The following PHF21A variants were observed in gnomAD, a reference collection of about 807,000 sequenced individuals.
PHF21A encodes the protein BHC80a.
A neutral mutation model predicts 82.5 loss-of-function variants in PHF21A; 11 were observed. The observed-to-expected ratio is 0.13, with a 90% CI of 0.08 to 0.22. The LOEUF (loss-of-function observed/expected upper bound fraction) is 0.22, where lower values mean the gene tolerates loss of function less well. Ranked by LOEUF, PHF21A falls within the 10% of genes least tolerant of loss-of-function variation. The pLI, the probability that PHF21A is intolerant of heterozygous loss-of-function variation, is 1.00. For synonymous variants in PHF21A, 297 were observed against 302.8 expected (o/e 0.98, Z 0.20); for missense variants, 579 against 837.8 (o/e 0.69, Z 3.81).
At chr11:45,946,978 T>A (rs2091392704) in intron 14 of PHF21A, among the ~76,000 whole-genome samples, 1 of 152,216 alleles carries the variant, frequency 6.6e-6, no homozygotes, top group Non-Finnish European at 1.5e-5. Context: ...AGTATTTCTG[T>A]CCCTGGATAC....
At chr11:45,970,347 T>TG (rs2093675465) in intron 8 of PHF21A, 1 of 170,868 alleles carries the variant, frequency 5.9e-6, no homozygotes, top group African/African-American at 2.4e-5. Flanking sequence ...GTGACCTCGT[T>TG]GCTTCTCTAA....
chr11:46,081,740 CA>C (rs1406833529), intron 4 of PHF21A, among the ~76,000 whole-genome samples: 2 of 152,190 alleles, frequency 1.3e-5, no homozygotes, highest in African/African-American at 4.8e-5. Context: ...CAAAGGTAAG[CA>C]AAACAACCCA....
At chr11:46,043,314 T>C (rs1451310782) in intron 6 of PHF21A, among the ~76,000 whole-genome samples, 1 of 152,172 alleles carries the variant, frequency 6.6e-6, no homozygotes, top group Non-Finnish European at 1.5e-5. Flanking sequence ...ATTTATGCAA[T>C]TGTGGAATTT....
chr11:46,000,667 C>T (rs559745697), intron 6 of PHF21A, among the ~76,000 whole-genome samples: 7 of 152,252 alleles, frequency 4.6e-5, no homozygotes, highest in African/African-American at 1.4e-4. Flanking sequence ...CGTCTGTAAT[C>T]CCAGTACTTT....
At chr11:46,085,212 G>A (rs1161654894) in intron 3 of PHF21A, among the ~76,000 whole-genome samples, 3 of 152,154 alleles carry the variant, frequency 2.0e-5, no homozygotes, top group African/African-American at 7.2e-5. Context: ...AACTTATGAT[G>A]TGGATATTTT....
chr11:46,110,902 C>T (rs2136003812), intron 1 of PHF21A, among the ~76,000 whole-genome samples: 1 of 151,784 alleles, frequency 6.6e-6, no homozygotes, highest in Non-Finnish European at 1.5e-5. Flanking sequence ...TCTCCTGCCT[C>T]AGCCTCCCGA....
At chr11:46,114,527 G>A (rs2097263970) in intron 1 of PHF21A, among the ~76,000 whole-genome samples, 1 of 152,180 alleles carries the variant, frequency 6.6e-6, no homozygotes, top group Non-Finnish European at 1.5e-5. Flanking sequence ...CACCATAAAA[G>A]TGACGGGCTA....
intron 16 of PHF21A, chr11:45,936,946 C>T: frequency 5.5e-6 from 1 of 181,914 alleles, no homozygotes; most frequent in Non-Finnish European, 1.2e-5. Context: ...CTTGACCTGA[C>T]ATGGGCTGCC....
Position 45,946,009 on chromosome 11 carries a change from T to C in PHF21A, c.1289-6A>G. The C allele has an allele frequency of 1.2e-6, 2 of 1,613,586 alleles. No homozygotes were observed. Among genetic ancestry groups the C allele is most frequent in the Non-Finnish European group, 1.7e-6 (2 of 1,179,896 alleles). On this transcript the variant is annotated splice_region_variant and splice_polypyrimidine_tract_variant and intron_variant, in intron 14 of 18. Coordinates refer to ENST00000676320, the MANE Select transcript of PHF21A (RefSeq NM_001352027.3). The stretch of plus-strand genomic sequence containing the variant: ...ATTGTATTTTGGAGGACGACCTATA[T>C]ACCAAGAGAAGGGAACAAAAGGGAA...
At chr11:46,085,466 G>C (rs1016701928) in intron 3 of PHF21A, among the ~76,000 whole-genome samples, 3 of 152,006 alleles carry the variant, frequency 2.0e-5, no homozygotes, top group Admixed American at 2.0e-4. Flanking sequence ...CTTTATTGTT[G>C]TTTTCTTTTC....
At chr11:46,070,327 G>C (rs2096641452) in intron 6 of PHF21A, among the ~76,000 whole-genome samples, 1 of 151,974 alleles carries the variant, frequency 6.6e-6, no homozygotes, top group South Asian at 2.1e-4. Context: ...GTAAGAAATG[G>C]TGACTATAAT....
chr11:46,040,391 A>T (rs1387595623), intron 6 of PHF21A, among the ~76,000 whole-genome samples: 1 of 152,228 alleles, frequency 6.6e-6, no homozygotes. Context: ...AGTTTTTTTT[A>T]GCATTCTTTA....
chr11:46,074,256 AAAG>A, intron 6 of PHF21A, among the ~76,000 whole-genome samples: 1 of 152,314 alleles, frequency 6.6e-6, no homozygotes, highest in East Asian at 1.9e-4. Flanking sequence ...GCACAAAGAA[AAAG>A]AATAGAAGCA....
intron 7 of PHF21A, among the ~76,000 whole-genome samples, chr11:45,978,521 A>G (rs745631038): frequency 2.0e-5 from 3 of 152,220 alleles, no homozygotes; most frequent in Non-Finnish European, 4.4e-5. Context: ...TCCAATGTCC[A>G]TAAACAGTGA....
At chr11:46,073,188 C>A (rs1459483351) in intron 6 of PHF21A, among the ~76,000 whole-genome samples, 2 of 151,816 alleles carry the variant, frequency 1.3e-5, no homozygotes, top group South Asian at 2.1e-4. Context: ...ATTGGCCAGG[C>A]GTGGTGGCGG....
intron 6 of PHF21A, among the ~76,000 whole-genome samples, chr11:46,035,946 T>C (rs956789197): frequency 6.6e-6 from 1 of 152,110 alleles, no homozygotes. Flanking sequence ...CCATTTAAAT[T>C]TGCATTTTTG....
intron 6 of PHF21A, among the ~76,000 whole-genome samples, chr11:46,014,979 CAAAA>C (rs35525494): frequency 4.6e-5 from 1 of 21,600 alleles, no homozygotes. Flanking sequence ...GACTCCGTCT[CAAAA>C]AAAAAAAAAA....
chr11:46,008,748 T>A (rs2095351920), intron 6 of PHF21A, among the ~76,000 whole-genome samples: 1 of 152,170 alleles, frequency 6.6e-6, no homozygotes, highest in African/African-American at 2.4e-5. Flanking sequence ...TAAATCTGAA[T>A]ATAATTTTTG....
At chr11:46,101,886 G>A (rs933668524) in intron 1 of PHF21A, among the ~76,000 whole-genome samples, 5 of 148,332 alleles carry the variant, frequency 3.4e-5, no homozygotes, top group Admixed American at 1.3e-4. Context: ...TAAATACGGA[G>A]TCTCGCTCTG....
Sources: allele counts gnomAD v4.1 joint callset (sites outside exome capture counted in the v4.1 genomes callset), GRCh38; gene constraint gnomAD v4.1.1; transcripts MANE v1.5; gene names NCBI Gene and HGNC (gene_info 2026-07-23, HGNC 2026-07-21).